ABTB3: variants seen among roughly 807,000 people sequenced by gnomAD.
ABTB3 encodes ankyrin repeat- and BTB/POZ domain-containing protein 3.
the ABTB3 span, chr12:107,658,029 C>T: frequency 1.2e-3 from 448 of 378,608 alleles, 2 homozygotes; most frequent in South Asian, 1.8e-3. Context: ...TTTTAAAGGT[C>T]ACTCAGGTTC....
the ABTB3 span, among the ~76,000 whole-genome samples, chr12:107,457,348 G>T: frequency 3.3e-5 from 5 of 152,194 alleles, no homozygotes; most frequent in Non-Finnish European, 4.4e-5. Flanking sequence ...TGCTTCAAAG[G>T]CTATCCCAAA....
the ABTB3 span, chr12:107,610,232 G>A: frequency 1.2e-6 from 2 of 1,614,168 alleles, no homozygotes; most frequent in Non-Finnish European, 1.7e-6. Flanking sequence ...TGGATGCGGT[G>A]GCCATCGAAG....
At chr12:107,338,706 C>G in the ABTB3 span, among the ~76,000 whole-genome samples, 1 of 152,202 alleles carries the variant, frequency 6.6e-6, no homozygotes, top group Non-Finnish European at 1.5e-5. Context: ...CCCCTGTAGC[C>G]TCTAAGGCCA....
At chr12:107,465,593 G>A in the ABTB3 span, among the ~76,000 whole-genome samples, 1 of 152,164 alleles carries the variant, frequency 6.6e-6, no homozygotes. Flanking sequence ...GGGGCAGGGG[G>A]TGCTGGGGGC....
At chr12:107,519,331 C>CT in the ABTB3 span, among the ~76,000 whole-genome samples, 5,725 of 140,028 alleles carry the variant, frequency 0.041, 163 homozygotes, top group Middle Eastern at 0.086. Context: ...TTTTCTTTTT[C>CT]TTTTTTTTTT....
At chr12:107,599,975 G>C in the ABTB3 span, among the ~76,000 whole-genome samples, 1 of 152,160 alleles carries the variant, frequency 6.6e-6, no homozygotes, top group South Asian at 2.1e-4. Context: ...GGCTGGGATG[G>C]AGTATGGGCA....
chr12:107,580,807 A>C, the ABTB3 span: 1 of 1,511,860 alleles, frequency 6.6e-7, no homozygotes, highest in South Asian at 1.3e-5. Flanking sequence ...TTGGTGCTTC[A>C]AGTGACTCAT....
At chr12:107,497,249 C>T in the ABTB3 span, among the ~76,000 whole-genome samples, 7 of 136,528 alleles carry the variant, frequency 5.1e-5, no homozygotes, top group Admixed American at 2.9e-4. Flanking sequence ...ACCACCATCA[C>T]TATCATCACC....
At chr12:107,627,195 T>C in the ABTB3 span, among the ~76,000 whole-genome samples, 546 of 152,290 alleles carry the variant, frequency 3.6e-3, 5 homozygotes, top group African/African-American at 0.013. Flanking sequence ...TAGCAACTGA[T>C]TGGGCCTGTC....
At chr12:107,620,131 G>A in the ABTB3 span, 1 of 1,614,202 alleles carries the variant, frequency 6.2e-7, no homozygotes, top group Admixed American at 1.7e-5. Flanking sequence ...CCCAAGGCCT[G>A]CCCCTGATGT....
At chr12:107,650,990 C>G in the ABTB3 span, 1 of 152,190 alleles carries the variant, frequency 6.6e-6, no homozygotes, top group South Asian at 2.1e-4. Context: ...AGCAGCTGCC[C>G]GGGCCCACCC....
the ABTB3 span, among the ~76,000 whole-genome samples, chr12:107,646,581 T>C: frequency 1.3e-5 from 2 of 152,136 alleles, no homozygotes; most frequent in Non-Finnish European, 1.5e-5. Flanking sequence ...TGCTGTGTTA[T>C]TGCACAAATT....
the ABTB3 span, among the ~76,000 whole-genome samples, chr12:107,641,050 C>T: frequency 0.56 from 84,732 of 151,832 alleles, 23,906 homozygotes; most frequent in East Asian, 0.66. Context: ...AGCTGGGTGG[C>T]GAGCAGGGGG....
the ABTB3 span, among the ~76,000 whole-genome samples, chr12:107,479,595 T>A: frequency 3.3e-5 from 5 of 152,128 alleles, no homozygotes; most frequent in Non-Finnish European, 7.4e-5. Flanking sequence ...GAGATCACTG[T>A]GGAATTAGAA....
chr12:107,617,152 G>A, the ABTB3 span: 1 of 1,614,144 alleles, frequency 6.2e-7, no homozygotes, highest in Admixed American at 1.7e-5. Flanking sequence ...GAACTACTCG[G>A]AAACACCCCT....
At chr12:107,654,323 T>G in the ABTB3 span, among the ~76,000 whole-genome samples, 3 of 152,220 alleles carry the variant, frequency 2.0e-5, no homozygotes, top group Admixed American at 1.3e-4. Context: ...GTTTGTTTTT[T>G]AATCTTGCTC....
chr12:107,423,941 T>C, the ABTB3 span, among the ~76,000 whole-genome samples: 3 of 152,340 alleles, frequency 2.0e-5, no homozygotes, highest in South Asian at 6.2e-4. Context: ...TGAGTTTTGT[T>C]TGCCTCTGGG....
chr12:107,439,700 T>C, the ABTB3 span, among the ~76,000 whole-genome samples: 1 of 152,172 alleles, frequency 6.6e-6, no homozygotes, highest in African/African-American at 2.4e-5. Flanking sequence ...GATTGACATA[T>C]GAAAAGCTGT....
the ABTB3 span, among the ~76,000 whole-genome samples, chr12:107,614,665 T>C: frequency 6.6e-6 from 1 of 152,206 alleles, no homozygotes; most frequent in Non-Finnish European, 1.5e-5. Flanking sequence ...TCAAAGCACC[T>C]GAGAGGCGAT....
Sources: allele counts gnomAD v4.1 joint callset (sites outside exome capture counted in the v4.1 genomes callset), GRCh38; gene constraint gnomAD v4.1.1; transcripts MANE v1.5; gene names NCBI Gene and HGNC (gene_info 2026-07-23, HGNC 2026-07-21).